The following MARK1 variants were observed in gnomAD, a reference collection of about 807,000 sequenced individuals.
MARK1 encodes microtubule affinity regulating kinase 1.
A neutral mutation model predicts 96.3 loss-of-function variants in MARK1; 40 were observed. That is an observed-to-expected ratio of 0.42 (90% CI 0.32 to 0.54). The LOEUF (loss-of-function observed/expected upper bound fraction) is 0.54. MARK1 is among the 20% of genes least tolerant of loss of function. MARK1 has a pLI of 0.16. For synonymous variants in MARK1, 317 were observed against 341.2 expected, an observed-to-expected ratio of 0.93 and a Z score of 0.78; for missense variants, 719 against 984.6, an observed-to-expected ratio of 0.73 and a Z score of 3.61.
rs1553322886 is a variant in MARK1 at position 220,585,984 on chromosome 1, T to TACACAC, written c.309+4889_309+4894dup. ...CAACTGCATCCACTTTACATACGTA[T>TACACAC]ACACACACACACACACACACACACA... On this transcript the variant is annotated intron_variant, in intron 3 of 17. Transcript: ENST00000366917. 6.5e-3 allele frequency among the ~76,000 whole-genome samples: 343 copies of TACACAC among 52,888 alleles called. 1 individual carries two copies. The highest frequency in any genetic ancestry group is 0.012 in the African/African-American group (287 of 23,358). 34.7% of individuals were successfully genotyped at this position (52,888 alleles called of 152,430 possible).
chr1:220,535,907 C>T (rs1400607483), intron 1 of MARK1, among the ~76,000 whole-genome samples: 1 of 152,090 alleles, frequency 6.6e-6, no homozygotes, highest in Non-Finnish European at 1.5e-5. Context: ...ATTTTGATTA[C>T]CATAGCTTTG....
chr1:220,532,581 A>T (rs886583334), intron 1 of MARK1, among the ~76,000 whole-genome samples: 1 of 152,166 alleles, frequency 6.6e-6, no homozygotes, highest in African/African-American at 2.4e-5. Context: ...TCAGAGAGAA[A>T]ATTTAGTGAC....
chr1:220,585,910 C>T (rs1338472627), intron 3 of MARK1, among the ~76,000 whole-genome samples: 1 of 152,046 alleles, frequency 6.6e-6, no homozygotes, highest in African/African-American at 2.4e-5. Context: ...TTATCTTTCT[C>T]TATCATGACC....
At chr1:220,531,455 A>G (rs1166546633) in intron 1 of MARK1, among the ~76,000 whole-genome samples, 1 of 152,122 alleles carries the variant, frequency 6.6e-6, no homozygotes, top group Non-Finnish European at 1.5e-5. Context: ...CACCATCTTG[A>G]TATTTCGTTG....
chr1:220,601,823 ACT>A (rs1665768552), intron 5 of MARK1, among the ~76,000 whole-genome samples: 1 of 151,926 alleles, frequency 6.6e-6, no homozygotes, highest in South Asian at 2.1e-4. Context: ...GGCCTTCACC[ACT>A]CTCCTTCAGT....
chr1:220,647,325 A>G (rs1327818361), intron 13 of MARK1, among the ~76,000 whole-genome samples: 1 of 152,236 alleles, frequency 6.6e-6, no homozygotes, highest in African/African-American at 2.4e-5. Context: ...TCATTAGAGA[A>G]ATGCAAATCA....
chr1:220,546,316 AT>A (rs1343189550), intron 1 of MARK1, among the ~76,000 whole-genome samples: 1 of 152,078 alleles, frequency 6.6e-6, no homozygotes, highest in African/African-American at 2.4e-5. Flanking sequence ...AACCCCACAC[AT>A]TTTTCACTGT....
At chr1:220,570,001 G>A (rs976384741) in intron 1 of MARK1, among the ~76,000 whole-genome samples, 2 of 152,036 alleles carry the variant, frequency 1.3e-5, no homozygotes, top group Non-Finnish European at 2.9e-5. Flanking sequence ...AGAAAGTGTA[G>A]CACCTACACA....
In MARK1 at chr1:220,659,934, C is replaced by T. The variant is rs542617967; in HGVS notation, c.2034-1878C>T. On this transcript the variant is annotated intron_variant, in intron 17 of 17. Coordinates refer to ENST00000366917, the MANE Select transcript of MARK1 (RefSeq NM_018650.5). ...TCCCAAGTAGCTGGGATTACAGGCGCTTGCCACCACACCTGGCTAATTTTT... is the reference window on the plus strand; with the variant it reads ...TCCCAAGTAGCTGGGATTACAGGCGTTTGCCACCACACCTGGCTAATTTTT... Among the ~76,000 whole-genome samples, 20 of 152,170 alleles carry T rather than the reference C, an allele frequency of 1.3e-4. No homozygotes were observed. The South Asian group carries it at 2.7e-3, about 21-fold the overall frequency.
intron 1 of MARK1, among the ~76,000 whole-genome samples, chr1:220,532,391 T>A (rs527471107): frequency 2.8e-4 from 42 of 152,334 alleles, no homozygotes; most frequent in South Asian, 1.0e-3. Context: ...AGCATCTAAT[T>A]GCCTGACTTT....
At chr1:220,556,039 A>G (rs974229330) in intron 1 of MARK1, among the ~76,000 whole-genome samples, 1 of 152,242 alleles carries the variant, frequency 6.6e-6, no homozygotes, top group African/African-American at 2.4e-5. Context: ...GGTAAGCACA[A>G]GCTGACATAA....
Position 220,528,154 on chromosome 1 carries a change from A to G in MARK1, c.-669A>G, listed in dbSNP as rs1358832049. On this transcript the variant is annotated 5_prime_UTR_variant, in exon 1 of 18. Transcript: ENST00000366917. ...CCCGCCCACCCGGCGGCGGCCGCCA[A>G]GTGCCTCTGGGCGCTGCGTGCCGCG... 6.6e-6 allele frequency: 1 copy of G among 150,558 alleles called. No homozygotes were observed. Among genetic ancestry groups the G allele is most frequent in the East Asian group, 2.0e-4 (1 of 5,072 alleles). The allele number at this position is 150,558 out of a possible 1,614,324, so 9.3% of individuals were successfully genotyped here. A position where few individuals can be genotyped will look rare whatever the true frequency, so the allele number is the denominator to read the frequency against.
chr1:220,541,130 A>C (rs1355034985), intron 1 of MARK1, among the ~76,000 whole-genome samples: 1 of 151,950 alleles, frequency 6.6e-6, no homozygotes, highest in African/African-American at 2.4e-5. Context: ...ACGGGGTTTC[A>C]CCATGTTGGC....
rs77070158 is a variant in MARK1, at chr1:220,629,352, C to CTTT, written c.910-1669_910-1667dup. Among the ~76,000 whole-genome samples, 8 of 134,480 alleles carry CTTT rather than the reference C, an allele frequency of 5.9e-5. No homozygotes were observed. The South Asian group carries it at 7.2e-4, about 12-fold the overall frequency. The allele number at this position is 134,480 out of a possible 152,430, so 88.2% of individuals were successfully genotyped here. On this transcript the variant is annotated intron_variant, in intron 9 of 17. Coordinates refer to ENST00000366917, the MANE Select transcript of MARK1 (RefSeq NM_018650.5). ...TATAGTAAATTCTCTACAAGATTGC[C>CTTT]TTTTTTTTTTTTTTTTGGTGGTGGT... is the stretch of plus-strand genomic sequence containing the variant.
At chr1:220,594,847 G>A (rs1665223752) in intron 3 of MARK1, among the ~76,000 whole-genome samples, 1 of 152,136 alleles carries the variant, frequency 6.6e-6, no homozygotes, top group Non-Finnish European at 1.5e-5. Context: ...AAAGATCAAT[G>A]GTTGCCAGAG....
intron 1 of MARK1, among the ~76,000 whole-genome samples, chr1:220,578,565 C>T (rs528990481): frequency 6.6e-6 from 1 of 152,326 alleles, no homozygotes; most frequent in African/African-American, 2.4e-5. Context: ...ATACTTGAGG[C>T]AGGCTGCTGA....
chr1:220,608,293 G>A (rs926612981), intron 6 of MARK1, among the ~76,000 whole-genome samples: 4 of 152,158 alleles, frequency 2.6e-5, no homozygotes, highest in Admixed American at 6.5e-5. Context: ...AAGAGTGTAT[G>A]TGTCCAGGAA....
Position 220,652,015 on chromosome 1 carries a change from C to T in MARK1, c.1601C>T (p.Ser534Phe). ...ACGGAGATGTCTGTGAGTAGCATAT[C>T]TTCTGCAGGCTCTTCTGTGGCCTCT... is the stretch of plus-strand genomic sequence containing the variant. ...SLTEMSVSSI[S>F]SAGSSVASAV... The change falls in exon 15 of 18, where the codon TCT (serine) becomes TTT (phenylalanine). Residue 534 changes from serine to phenylalanine, a missense_variant. Physicochemically the swap from Ser to Phe is radical, Grantham distance 155. Coordinates refer to ENST00000366917, the MANE Select transcript of MARK1 (RefSeq NM_018650.5). 1 of 1,609,982 alleles carries T rather than the reference C, an allele frequency of 6.2e-7. No individual in the cohort carries two copies. Among genetic ancestry groups the T allele is most frequent in the Non-Finnish European group, 8.5e-7 (1 of 1,176,784 alleles).
intron 9 of MARK1, 70 bp from the exon 10 acceptor site, chr1:220,630,965 C>G: frequency 2.8e-6 from 3 of 1,083,284 alleles, no homozygotes; most frequent in Non-Finnish European, 4.1e-6. Context: ...TTTACATTTG[C>G]TAAAATAGAG....
Sources: gnomAD v4.1 joint callset for allele counts (sites outside exome capture counted in the v4.1 genomes callset) on GRCh38, gnomAD v4.1.1 for gene constraint, MANE v1.5 for transcripts, NCBI Gene and HGNC (gene_info 2026-07-23, HGNC 2026-07-21) for gene names.